MALT1: variants seen among roughly 807,000 people sequenced by gnomAD.
MALT1 encodes the protein MALT1 paracaspase, also known as mucosa-associated lymphoid tissue lymphoma translocation protein 1.
Under a neutral mutation model 85.5 loss-of-function variants are expected in MALT1, and 36 were observed. The ratio of observed to expected loss-of-function variants is 0.42; its 90% CI spans 0.32 to 0.56. The LOEUF (loss-of-function observed/expected upper bound fraction) is 0.56, where lower values mean the gene tolerates loss of function less well. Ranked by LOEUF, MALT1 falls within the 20% of genes least tolerant of loss-of-function variation. MALT1 has a pLI of 0.10. For synonymous variants in MALT1, 359 were observed against 361.3 expected (o/e 0.99, Z 0.07); for missense variants, 716 against 981.6 (o/e 0.73, Z 3.62).
chr18:58,692,009 A>G (rs1602289622), intron 2 of MALT1: 4 of 135,220 alleles, frequency 3.0e-5, no homozygotes, highest in African/African-American at 1.1e-4. Flanking sequence ...GCGCCACTGC[A>G]CTCCAGTCTG....
Position 58,733,544 on chromosome 18 carries a change from A to C in MALT1, c.1370A>C (p.Asn457Thr). The part of the protein sequence containing the change: ...KLMQEKETGL[N>T]VFLLDMCRKR... ...ATGCAAGAAAAAGAAACTGGACTTAATGTGTTCTTATTGGATATGTGTAGG... is the reference window on the plus strand; with the variant it reads ...ATGCAAGAAAAAGAAACTGGACTTACTGTGTTCTTATTGGATATGTGTAGG... Residue 457 changes from asparagine to threonine, a missense_variant, in exon 11 of 17, where the codon AAT becomes ACT. This residue lies in a region of MALT1 where 86 missense variants were observed against 212.3 expected (regional missense o/e 0.41). Transcript: ENST00000649217. 1 of 1,608,972 alleles carries C rather than the reference A, an allele frequency of 6.2e-7. No homozygotes were observed. Among genetic ancestry groups the C allele is most frequent in the Non-Finnish European group, 8.5e-7 (1 of 1,177,294 alleles).
At chr18:58,733,318 A>C in intron 10 of MALT1, 79 bp from the exon 11 acceptor site, 1 of 913,700 alleles carries the variant, frequency 1.1e-6, no homozygotes, top group Non-Finnish European at 1.7e-6. Flanking sequence ...AGGTTTTTCT[A>C]CAAAAAGTTA....
chr18:58,695,790 G>A (rs915491842), intron 2 of MALT1, among the ~76,000 whole-genome samples: 7 of 152,162 alleles, frequency 4.6e-5, no homozygotes. Flanking sequence ...TAATTCATTC[G>A]TGAGGGTAGA....
At chr18:58,701,158 T>C (rs1030665137) in intron 4 of MALT1, among the ~76,000 whole-genome samples, 2 of 152,064 alleles carry the variant, frequency 1.3e-5, no homozygotes, top group African/African-American at 4.8e-5. Flanking sequence ...TATATGTGTG[T>C]GTGCAGATAC....
At chr18:58,725,375 G>A (rs1460418131) in intron 10 of MALT1, among the ~76,000 whole-genome samples, 3 of 152,048 alleles carry the variant, frequency 2.0e-5, no homozygotes, top group Admixed American at 6.6e-5. Context: ...TTAGACTTGG[G>A]TGGCATCCCC....
chr18:58,726,772 T>C (rs1198516104), intron 10 of MALT1, among the ~76,000 whole-genome samples: 2 of 152,234 alleles, frequency 1.3e-5, no homozygotes, highest in South Asian at 2.1e-4. Flanking sequence ...TATCCCTGCA[T>C]AGCCTTTCTG....
chr18:58,696,332 CT>C, intron 2 of MALT1, 33 bp from the exon 3 acceptor site: 1 of 1,185,214 alleles, frequency 8.4e-7, no homozygotes, highest in African/African-American at 1.9e-5. Flanking sequence ...CCTCTTGTGA[CT>C]TTAATTTTTT....
intron 2 of MALT1, among the ~76,000 whole-genome samples, chr18:58,692,639 G>A (rs1431143803): frequency 3.9e-5 from 6 of 152,164 alleles, no homozygotes; most frequent in Non-Finnish European, 2.9e-5. Context: ...TAACCCTACA[G>A]TGATCTCTAA....
At chr18:58,679,925 G>C (rs973521816) in intron 1 of MALT1, among the ~76,000 whole-genome samples, 8 of 152,226 alleles carry the variant, frequency 5.3e-5, no homozygotes, top group African/African-American at 1.9e-4. Flanking sequence ...AGCCAGGAGT[G>C]GTGGCTCCAG....
intron 2 of MALT1, among the ~76,000 whole-genome samples, chr18:58,682,383 A>G (rs1473492135): frequency 6.6e-6 from 1 of 152,224 alleles, no homozygotes; most frequent in Non-Finnish European, 1.5e-5. Context: ...AGCTTAGAGC[A>G]GGTTTGGCTT....
chr18:58,685,650 G>A (rs184093502), intron 2 of MALT1, among the ~76,000 whole-genome samples: 27 of 152,286 alleles, frequency 1.8e-4, no homozygotes, highest in Admixed American at 1.5e-3. Context: ...TCAGAGGATC[G>A]AGGTTTTTAC....
rs1401065237 is a variant in MALT1 at position 58,750,952 on chromosome 18, A to G, written c.*3110A>G. 6.6e-6 allele frequency: 1 copy of G among 152,302 alleles called. No individual in the cohort carries two copies. The highest frequency in any genetic ancestry group is 1.9e-4 in the East Asian group (1 of 5,190). The allele number at this position is 152,302 out of a possible 1,614,324, so 9.4% of individuals were successfully genotyped here. On this transcript the variant is annotated 3_prime_UTR_variant, in exon 17 of 17. Transcript: ENST00000649217. Reference sequence around the variant, plus strand: ...AGTTAACCCTCAGAATGGGAGAAAAATTTTTGAAAAATCATGTATCTGATA... The same window carrying G: ...AGTTAACCCTCAGAATGGGAGAAAAGTTTTTGAAAAATCATGTATCTGATA...
At chr18:58,719,672 G>A (rs535203233) in intron 9 of MALT1, among the ~76,000 whole-genome samples, 3 of 152,142 alleles carry the variant, frequency 2.0e-5, no homozygotes, top group Admixed American at 6.5e-5. Context: ...TTTGCTGGGG[G>A]CTACCTGCTA....
intron 14 of MALT1, among the ~76,000 whole-genome samples, chr18:58,742,282 GT>G (rs2055312062): frequency 6.6e-6 from 1 of 152,074 alleles, no homozygotes. Flanking sequence ...AATAGGTTAA[GT>G]TTCCATTTGT....
chr18:58,717,465 C>T (rs372367999), intron 9 of MALT1, among the ~76,000 whole-genome samples: 1 of 151,932 alleles, frequency 6.6e-6, no homozygotes, highest in African/African-American at 2.4e-5. Flanking sequence ...GAAGCAAGGT[C>T]TTACAAGTCT....
chr18:58,738,866 G>A lies in MALT1; in HGVS notation c.1604-2999G>A, dbSNP rs11663502. ...TATGTGTTCTTGATATAATACTAGC[G>A]AGGACCGCTAAGACACAATTGAATA... On this transcript the variant is annotated intron_variant, in intron 13 of 16. Transcript: ENST00000649217. 9.8e-3 allele frequency among the ~76,000 whole-genome samples: 1,484 copies of A among 152,154 alleles called. 11 individuals are homozygous for A. The highest frequency in any genetic ancestry group is 0.024 in the Middle Eastern group (7 of 294).
At chr18:58,715,890 A>C in intron 8 of MALT1, 45 bp from the exon 9 acceptor site, 1 of 1,339,270 alleles carries the variant, frequency 7.5e-7, no homozygotes, top group East Asian at 2.3e-5. Flanking sequence ...AACTCTGGAA[A>C]TATACCATGG....
At chr18:58,736,430 G>C (rs778562401) in intron 13 of MALT1, among the ~76,000 whole-genome samples, 1 of 147,968 alleles carries the variant, frequency 6.8e-6, no homozygotes, top group Non-Finnish European at 1.5e-5. Flanking sequence ...TGAAGGAAAG[G>C]CTCTGCTGCT....
intron 2 of MALT1, among the ~76,000 whole-genome samples, chr18:58,683,044 A>G (rs1340528327): frequency 6.6e-6 from 1 of 152,204 alleles, no homozygotes; most frequent in Non-Finnish European, 1.5e-5. Flanking sequence ...AACCTGGCCC[A>G]TTACTGATAG....
Sources: allele counts gnomAD v4.1 joint callset (sites outside exome capture counted in the v4.1 genomes callset), GRCh38; gene constraint gnomAD v4.1.1; regional missense constraint gnomAD v4.1.1; transcripts MANE v1.5; gene names NCBI Gene and HGNC (gene_info 2026-07-23, HGNC 2026-07-21).